RIPOR2: variants seen among roughly 807,000 people sequenced by gnomAD.
RIPOR2 encodes the protein rho family-interacting cell polarization regulator 2.
RIPOR2 carries 39 observed loss-of-function variants against 114.5 expected under a neutral mutation model. That is an observed-to-expected ratio of 0.34 (90% CI 0.26 to 0.44). The LOEUF is 0.44. Ranked by LOEUF, RIPOR2 falls within the 20% of genes least tolerant of loss-of-function variation. The probability of loss-of-function intolerance (pLI) is 1.00; values close to 1 mark genes in which losing one functional copy is unlikely to be tolerated. For synonymous variants in RIPOR2, 445 were observed against 484.4 expected (o/e 0.92, Z 1.07); for missense variants, 1,007 against 1,255.1 (o/e 0.80, Z 2.99).
At chr6:24,964,751 C>A (rs1161092733) in intron 1 of RIPOR2, among the ~76,000 whole-genome samples, 4 of 152,190 alleles carry the variant, frequency 2.6e-5, no homozygotes, top group African/African-American at 9.7e-5. Context: ...TATACCCCCA[C>A]CAGCAATGTA....
rs138999849 is a variant in RIPOR2, at chr6:24,988,195, T to A, written c.76+53656A>T. ...CTATTGTGAATAGCTTCTTTTTTTTTATTTTATTTTTTGAGACAGAGTCTC... is the reference window on the plus strand; with the variant it reads ...CTATTGTGAATAGCTTCTTTTTTTTAATTTTATTTTTTGAGACAGAGTCTC... On this transcript the variant is annotated intron_variant, in intron 1 of 13. Transcript: ENST00000510784. Among the ~76,000 whole-genome samples, 473 of 152,346 alleles carry A rather than the reference T, an allele frequency of 3.1e-3. 4 individuals are homozygous for A. Among genetic ancestry groups the A allele is most frequent in the East Asian group, 0.021 (111 of 5,192 alleles).
intron 1 of RIPOR2, among the ~76,000 whole-genome samples, chr6:24,902,495 G>A (rs367842389): frequency 6.6e-6 from 1 of 152,126 alleles, no homozygotes; most frequent in Non-Finnish European, 1.5e-5. Flanking sequence ...GGGATTACAC[G>A]CGCAAGCCAC....
At chr6:25,019,745 A>G (rs1488118225) in intron 1 of RIPOR2, among the ~76,000 whole-genome samples, 1 of 136,954 alleles carries the variant, frequency 7.3e-6, no homozygotes, top group Admixed American at 7.9e-5. Context: ...ACTGCATTCC[A>G]GCCTGGGCAA....
At chr6:25,021,110 C>T (rs760001024) in intron 1 of RIPOR2, among the ~76,000 whole-genome samples, 1 of 152,144 alleles carries the variant, frequency 6.6e-6, no homozygotes, top group Non-Finnish European at 1.5e-5. Flanking sequence ...CCACCCACCT[C>T]GGCCTCCCAA....
chr6:24,944,185 G>T (rs1225136248), intron 1 of RIPOR2, among the ~76,000 whole-genome samples: 1 of 152,162 alleles, frequency 6.6e-6, no homozygotes, highest in Non-Finnish European at 1.5e-5. Context: ...AGGCCCTAAG[G>T]TCTGACCACT....
At chr6:24,857,465 G>A (rs1443982414) in intron 8 of RIPOR2, among the ~76,000 whole-genome samples, 1 of 152,086 alleles carries the variant, frequency 6.6e-6, no homozygotes, top group Admixed American at 6.6e-5. Flanking sequence ...CCACAGCCTC[G>A]TTTGGAGGGT....
intron 19 of RIPOR2, 147 bp from the exon 20 acceptor site, chr6:24,818,772 A>G (rs1759409278): frequency 4.5e-6 from 2 of 448,236 alleles, no homozygotes; most frequent in East Asian, 6.5e-5. Context: ...AAAGCCATTG[A>G]AATTCATATT....
At chr6:25,009,976 G>C (rs560684278) in intron 1 of RIPOR2, among the ~76,000 whole-genome samples, 2 of 152,310 alleles carry the variant, frequency 1.3e-5, no homozygotes, top group African/African-American at 2.4e-5. Context: ...ACTTCCAGGA[G>C]AGAGTTAGGA....
chr6:24,825,896 CTATT>C (rs1022851746), intron 18 of RIPOR2, among the ~76,000 whole-genome samples: 16 of 148,018 alleles, frequency 1.1e-4, no homozygotes, highest in Non-Finnish European at 2.0e-4. Flanking sequence ...ACCTATCTAT[CTATT>C]TATTTATTTA....
intron 1 of RIPOR2, among the ~76,000 whole-genome samples, chr6:24,896,806 G>C (rs1301431534): frequency 1.3e-5 from 2 of 152,158 alleles, no homozygotes; most frequent in Non-Finnish European, 2.9e-5. Context: ...GGGAGGCTGA[G>C]GCACAAGAAT....
At chr6:24,850,059 A>G in intron 10 of RIPOR2, 109 bp from the exon 11 acceptor site, 2 of 828,768 alleles carry the variant, frequency 2.4e-6, no homozygotes, top group Admixed American at 2.8e-5. Context: ...TTTCAGAATC[A>G]TATCTGAAAT....
chr6:24,927,182 T>TCACTACAACTACA, intron 1 of RIPOR2, among the ~76,000 whole-genome samples: 1 of 3,224 alleles, frequency 3.1e-4, no homozygotes, highest in Non-Finnish European at 5.2e-4. Flanking sequence ...ACCACCACCA[T>TCACTACAACTACA]GACCACCACC....
chr6:24,860,905 C>A lies in RIPOR2; in HGVS notation c.715+68G>T, dbSNP rs901322511. ...GGAAAATAAAAATAGCATGGGCTCT[C>A]AAACTTCAAGGAGCTCTGCACTCTG... On this transcript the variant is annotated intron_variant, in intron 8 of 21. Coordinates refer to ENST00000643898, the MANE Select transcript of RIPOR2 (RefSeq NM_001286445.3). 3.9e-6 allele frequency: 4 copies of A among 1,023,704 alleles called. No homozygotes were observed. In the African/African-American group the frequency reaches 4.9e-5, roughly 12 times the overall value. 63.4% of individuals were successfully genotyped at this position (1,023,704 alleles called of 1,614,324 possible).
chr6:24,807,417 A>C (rs905481263), intron 21 of RIPOR2, among the ~76,000 whole-genome samples: 1 of 152,218 alleles, frequency 6.6e-6, no homozygotes, highest in Non-Finnish European at 1.5e-5. Flanking sequence ...GGTTGCAATG[A>C]GACGAGATTG....
intron 14 of RIPOR2, 67 bp downstream of exon 14, chr6:24,839,024 A>G (rs1388972508): frequency 7.6e-7 from 1 of 1,319,340 alleles, no homozygotes; most frequent in East Asian, 2.5e-5. Context: ...CCCCTCTGAC[A>G]GTAACAAAGA....
chr6:25,021,097 G>T (rs1256015797), intron 1 of RIPOR2, among the ~76,000 whole-genome samples: 2 of 152,192 alleles, frequency 1.3e-5, no homozygotes, highest in African/African-American at 4.8e-5. Flanking sequence ...GACCTCAGGT[G>T]ATCCACCCAC....
intron 20 of RIPOR2, among the ~76,000 whole-genome samples, chr6:24,811,327 G>C (rs1781143989): frequency 6.9e-6 from 1 of 143,956 alleles, no homozygotes; most frequent in Admixed American, 7.1e-5. Context: ...TCTGTCTCCT[G>C]GATTCAAGCG....
At chr6:25,021,681 G>A (rs79623776) in intron 1 of RIPOR2, among the ~76,000 whole-genome samples, 1 of 152,006 alleles carries the variant, frequency 6.6e-6, no homozygotes, top group Admixed American at 6.5e-5. Flanking sequence ...CTGCAAATTG[G>A]GCTCAGTGTA....
chr6:24,889,803 A>C (rs924542832), intron 1 of RIPOR2, among the ~76,000 whole-genome samples: 10 of 152,202 alleles, frequency 6.6e-5, no homozygotes, highest in Non-Finnish European at 1.5e-4. Flanking sequence ...TCTGCCTTGA[A>C]ATAAATTTCT....
Sources: gnomAD v4.1 joint callset for allele counts (sites outside exome capture counted in the v4.1 genomes callset) on GRCh38, gnomAD v4.1.1 for gene constraint, MANE v1.5 for transcripts, NCBI Gene and HGNC (gene_info 2026-07-23, HGNC 2026-07-21) for gene names.